CTNNA3: variants seen among roughly 807,000 people sequenced by gnomAD.
CTNNA3 encodes the protein catenin alpha 3.
In CTNNA3, 76 loss-of-function variants were observed where a neutral mutation model predicts 95.7. The observed-to-expected ratio is 0.79, with a 90% CI of 0.66 to 0.96. The LOEUF is 0.96. Ranked by LOEUF, CTNNA3 falls within the 40% of genes least tolerant of loss-of-function variation. The pLI is 0.00. For synonymous variants in CTNNA3, 431 were observed against 374.4 expected (o/e 1.15, Z -1.74); for missense variants, 1,191 against 1,089.8 (o/e 1.09, Z -1.31).
At chr10:67,378,896 T>C (rs1843802240) in intron 5 of CTNNA3, among the ~76,000 whole-genome samples, 2 of 152,298 alleles carry the variant, frequency 1.3e-5, no homozygotes, top group South Asian at 2.1e-4. Context: ...TTCTGGACTT[T>C]GGCTAGGTAA....
intron 13 of CTNNA3, among the ~76,000 whole-genome samples, chr10:66,199,805 ATTTTTTTTT>A (rs1226520776): frequency 0.033 from 465 of 13,990 alleles, 5 homozygotes; most frequent in Admixed American, 0.09. Context: ...ATATATATAT[ATTTTTTTTT>A]TTTTTTTTTT....
intron 10 of CTNNA3, among the ~76,000 whole-genome samples, chr10:66,620,013 C>T (rs1844687203): frequency 6.6e-6 from 1 of 151,970 alleles, no homozygotes; most frequent in African/African-American, 2.4e-5. Context: ...GTCAACACTA[C>T]TAAATGAAAT....
chr10:66,071,571 C>T (rs998862957), intron 14 of CTNNA3, among the ~76,000 whole-genome samples: 2 of 152,060 alleles, frequency 1.3e-5, no homozygotes, highest in Admixed American at 6.6e-5. Context: ...AGCCAACAAA[C>T]ACGAATAATA....
chr10:66,298,906 G>T (rs1253649963), intron 12 of CTNNA3, among the ~76,000 whole-genome samples: 1 of 152,132 alleles, frequency 6.6e-6, no homozygotes, highest in Non-Finnish European at 1.5e-5. Flanking sequence ...CTAATCTAAA[G>T]GGAAAAGTCA....
rs115437198 is a variant in CTNNA3 at position 66,651,933 on chromosome 10, G to T, written c.1282-30149C>A. 6.3e-3 allele frequency among the ~76,000 whole-genome samples: 953 copies of T among 152,140 alleles called. 15 individuals are homozygous for T. The highest frequency in any genetic ancestry group is 0.021 in the African/African-American group (875 of 41,528). ...GGCTCCTCAAATGGTGGCCAGAGTA[G>T]ATGCCAAGGCCAAGGAGGCACCGAG... On this transcript the variant is annotated intron_variant, in intron 9 of 17. Coordinates refer to ENST00000433211, the MANE Select transcript of CTNNA3 (RefSeq NM_013266.4).
At chr10:67,244,740 A>G (rs924394808) in intron 5 of CTNNA3, among the ~76,000 whole-genome samples, 2 of 152,204 alleles carry the variant, frequency 1.3e-5, no homozygotes, top group African/African-American at 4.8e-5. Flanking sequence ...GAAGATGCAC[A>G]TTTCTAAATG....
intron 7 of CTNNA3, among the ~76,000 whole-genome samples, chr10:67,115,446 A>T (rs1301072676): frequency 1.3e-5 from 2 of 151,964 alleles, no homozygotes; most frequent in African/African-American, 4.8e-5. Flanking sequence ...TATGTAACTA[A>T]CCTGCACAGT....
At chr10:67,317,355 C>G (rs1419585679) in intron 5 of CTNNA3, among the ~76,000 whole-genome samples, 1 of 151,574 alleles carries the variant, frequency 6.6e-6, no homozygotes, top group Non-Finnish European at 1.5e-5. Flanking sequence ...AATGCTATCC[C>G]TCCCCCGTCC....
chr10:67,257,046 C>T (rs1048783251), intron 5 of CTNNA3, among the ~76,000 whole-genome samples: 10 of 152,272 alleles, frequency 6.6e-5, no homozygotes, highest in South Asian at 2.1e-4. Flanking sequence ...AAACATTTCA[C>T]GAGTTTCCAG....
intron 11 of CTNNA3, among the ~76,000 whole-genome samples, chr10:66,460,821 A>G: frequency 6.6e-6 from 1 of 152,164 alleles, no homozygotes; most frequent in East Asian, 1.9e-4. Context: ...CTTATAGTTT[A>G]AACTCTGGCT....
intron 7 of CTNNA3, among the ~76,000 whole-genome samples, chr10:66,894,671 G>A (rs1448092419): frequency 6.6e-6 from 1 of 151,936 alleles, no homozygotes; most frequent in East Asian, 1.9e-4. Flanking sequence ...TTGTGTGAAT[G>A]TATATTTTAA....
chr10:66,874,797 C>T (rs577647793), intron 7 of CTNNA3, among the ~76,000 whole-genome samples: 3 of 152,182 alleles, frequency 2.0e-5, no homozygotes, highest in Non-Finnish European at 4.4e-5. Context: ...ACAAAAATTA[C>T]ACATTTCTTT....
chr10:66,230,568 G>C (rs1378257430), intron 13 of CTNNA3, among the ~76,000 whole-genome samples: 2 of 152,082 alleles, frequency 1.3e-5, no homozygotes, highest in Non-Finnish European at 2.9e-5. Flanking sequence ...GTTGGTCCTT[G>C]GTCTCCAGGA....
intron 10 of CTNNA3, among the ~76,000 whole-genome samples, chr10:66,547,655 T>C (rs1420696811): frequency 1.3e-5 from 2 of 151,954 alleles, no homozygotes. Context: ...TTTTTCTATA[T>C]GAAACTTCTT....
chr10:66,129,253 A>T (rs145574603), intron 13 of CTNNA3, among the ~76,000 whole-genome samples: 5,433 of 152,274 alleles, frequency 0.036, 309 homozygotes, highest in African/African-American at 0.12. Flanking sequence ...AATAAGAGTG[A>T]AACTCTGTCT....
At chr10:66,212,311 C>G (rs184451324) in intron 13 of CTNNA3, among the ~76,000 whole-genome samples, 1 of 152,104 alleles carries the variant, frequency 6.6e-6, no homozygotes, top group East Asian at 1.9e-4. Context: ...TTTCTTAATG[C>G]CTCAGCCTAA....
At chr10:66,543,188 G>A (rs906182440) in intron 10 of CTNNA3, among the ~76,000 whole-genome samples, 2 of 152,018 alleles carry the variant, frequency 1.3e-5, no homozygotes, top group African/African-American at 4.8e-5. Context: ...TGCCTCCCAG[G>A]TTCAAGCAAT....
intron 1 of CTNNA3, among the ~76,000 whole-genome samples, chr10:67,664,166 T>C (rs1016658676): frequency 3.3e-5 from 5 of 152,238 alleles, no homozygotes; most frequent in Non-Finnish European, 7.3e-5. Context: ...TTGCTAAATA[T>C]ATTTTATTTT....
At chr10:66,361,382 T>TGTCC (rs142954801) in intron 12 of CTNNA3, among the ~76,000 whole-genome samples, 3 of 139,120 alleles carry the variant, frequency 2.2e-5, no homozygotes, top group Admixed American at 1.5e-4. Flanking sequence ...TTTCCTTTCC[T>TGTCC]TTCCTTCCTT....
Sources: gnomAD v4.1 joint callset for allele counts (sites outside exome capture counted in the v4.1 genomes callset) on GRCh38, gnomAD v4.1.1 for gene constraint, MANE v1.5 for transcripts, NCBI Gene and HGNC (gene_info 2026-07-23, HGNC 2026-07-21) for gene names.